The following KCTD16 variants were observed in gnomAD, a reference collection of about 807,000 sequenced individuals.
The protein encoded by KCTD16 is BTB/POZ domain-containing protein KCTD16.
In KCTD16, 13 loss-of-function variants were observed where a neutral mutation model predicts 33.2. That is an observed-to-expected ratio of 0.39 (90% CI 0.25 to 0.62). KCTD16 has a LOEUF of 0.62. Among genes scored for constraint, KCTD16 ranks in the 20% least tolerant of loss-of-function variants. The pLI is 0.50. For missense variants in KCTD16, 441 were observed against 525.1 expected, an observed-to-expected ratio of 0.84 and a Z score of 1.57; for synonymous variants, 197 against 195.3, an observed-to-expected ratio of 1.01 and a Z score of -0.07.
intron 3 of KCTD16, among the ~76,000 whole-genome samples, chr5:144,328,054 A>G (rs1752256821): frequency 6.6e-6 from 1 of 152,162 alleles, no homozygotes; most frequent in Non-Finnish European, 1.5e-5. Context: ...CTATGTATAA[A>G]AATTGGTTTA....
At chr5:144,345,375 A>C (rs1423379379) in intron 3 of KCTD16, among the ~76,000 whole-genome samples, 1 of 152,184 alleles carries the variant, frequency 6.6e-6, no homozygotes, top group East Asian at 1.9e-4. Flanking sequence ...ATAAAAGTTT[A>C]GTTAGCAGAA....
At chr5:144,463,260 T>G (rs1467037709) in intron 3 of KCTD16, among the ~76,000 whole-genome samples, 1 of 152,178 alleles carries the variant, frequency 6.6e-6, no homozygotes, top group Non-Finnish European at 1.5e-5. Context: ...GGGTTCTGAG[T>G]AGACTGCCTA....
At chr5:144,236,102 C>G (rs1004799006) in intron 3 of KCTD16, among the ~76,000 whole-genome samples, 3 of 152,072 alleles carry the variant, frequency 2.0e-5, no homozygotes, top group African/African-American at 7.2e-5. Context: ...ATGCTAGGAA[C>G]TGTTAGATGC....
intron 3 of KCTD16, among the ~76,000 whole-genome samples, chr5:144,445,194 C>T (rs1476041364): frequency 6.6e-6 from 1 of 151,818 alleles, no homozygotes; most frequent in Non-Finnish European, 1.5e-5. Flanking sequence ...AAGACATTCT[C>T]TTTTGTGTTT....
At chr5:144,415,651 A>T (rs1410688835) in intron 3 of KCTD16, among the ~76,000 whole-genome samples, 1 of 152,230 alleles carries the variant, frequency 6.6e-6, no homozygotes, top group Non-Finnish European at 1.5e-5. Context: ...TTTGATTTTG[A>T]GCAAATTTCT....
intron 3 of KCTD16, among the ~76,000 whole-genome samples, chr5:144,300,077 G>A (rs1751389067): frequency 6.6e-6 from 1 of 151,980 alleles, no homozygotes; most frequent in African/African-American, 2.4e-5. Flanking sequence ...TAGTAGCTGT[G>A]GTTGACTCTA....
rs559081537 is a variant in KCTD16 at position 144,381,647 on chromosome 5, C to T, written c.833-92013C>T. ...TTTGAACCACCAGATCTCGTGTGAA[C>T]TCAGAGCAGGAGCTCACTTATCACC... On this transcript the variant is annotated intron_variant, in intron 3 of 3. Coordinates refer to ENST00000512467, the MANE Select transcript of KCTD16 (RefSeq NM_020768.4). Among the ~76,000 whole-genome samples the T allele has an allele frequency of 4.6e-5, 7 of 152,190 alleles. No individual in the cohort carries two copies. In the East Asian group the frequency reaches 9.7e-4, roughly 21 times the overall value.
At chr5:144,294,561 T>G (rs891949921) in intron 3 of KCTD16, among the ~76,000 whole-genome samples, 15 of 152,190 alleles carry the variant, frequency 9.9e-5, no homozygotes, top group African/African-American at 3.4e-4. Flanking sequence ...ACTCATAGTT[T>G]GTGTATCCAT....
intron 3 of KCTD16, among the ~76,000 whole-genome samples, chr5:144,332,945 A>C (rs1373110604): frequency 2.0e-5 from 3 of 152,192 alleles, no homozygotes; most frequent in Non-Finnish European, 2.9e-5. Context: ...ATATGTGTGC[A>C]GGGGAACCAT....
chr5:144,449,210 A>C (rs887753249), intron 3 of KCTD16, among the ~76,000 whole-genome samples: 1 of 152,014 alleles, frequency 6.6e-6, no homozygotes, highest in Non-Finnish European at 1.5e-5. Context: ...AAGAAGTGAA[A>C]GATTTGTACA....
intron 3 of KCTD16, among the ~76,000 whole-genome samples, chr5:144,210,743 C>A (rs1224559334): frequency 6.6e-6 from 1 of 152,078 alleles, no homozygotes; most frequent in Non-Finnish European, 1.5e-5. Flanking sequence ...ATTTCCAGAG[C>A]CATCTTCTGA....
Position 144,364,918 on chromosome 5 carries a change from T to C in KCTD16, c.833-108742T>C, listed in dbSNP as rs557658852. ...TTAAGCAATCTGGGTAGTAGGTTGA[T>C]TTCATAGAACCTAAATGAATCCTAC... is the stretch of plus-strand genomic sequence containing the variant. On this transcript the variant is annotated intron_variant, in intron 3 of 3. Coordinates refer to ENST00000512467, the MANE Select transcript of KCTD16 (RefSeq NM_020768.4). Among the ~76,000 whole-genome samples, 8 of 152,300 alleles carry C rather than the reference T, an allele frequency of 5.3e-5. No homozygotes were observed. The South Asian group carries it at 1.7e-3, about 32-fold the overall frequency.
intron 3 of KCTD16, among the ~76,000 whole-genome samples, chr5:144,299,132 A>G (rs1424948597): frequency 3.5e-5 from 1 of 28,680 alleles, no homozygotes; most frequent in Non-Finnish European, 5.3e-5. Context: ...ATATATATAT[A>G]TATATATATA....
At chr5:144,208,757 A>G (rs1050362554) in intron 3 of KCTD16, among the ~76,000 whole-genome samples, 1 of 152,252 alleles carries the variant, frequency 6.6e-6, no homozygotes, top group Non-Finnish European at 1.5e-5. Context: ...CTACTAAGCT[A>G]TCACACATTT....
chr5:144,279,064 T>C (rs1755530145), intron 3 of KCTD16, among the ~76,000 whole-genome samples: 1 of 152,190 alleles, frequency 6.6e-6, no homozygotes, highest in African/African-American at 2.4e-5. Context: ...TTCATTTCTT[T>C]GAGATTTTTA....
Position 144,290,351 on chromosome 5 carries a change from T to C in KCTD16, c.832+82805T>C, listed in dbSNP as rs73312760. Among the ~76,000 whole-genome samples, 444 of 152,224 alleles carry C rather than the reference T, an allele frequency of 2.9e-3. 1 individual carries two copies. Among genetic ancestry groups the C allele is most frequent in the African/African-American group, 0.01 (428 of 41,552 alleles). On this transcript the variant is annotated intron_variant, in intron 3 of 3. Transcript: ENST00000512467. ...AAACAGTCAATAAAAAACTCTATCGTATTTCTTTGGGGAAAATTCTCCGAA... is the reference window on the plus strand; with the variant it reads ...AAACAGTCAATAAAAAACTCTATCGCATTTCTTTGGGGAAAATTCTCCGAA...
At chr5:144,342,202 C>T (rs532722157) in intron 3 of KCTD16, among the ~76,000 whole-genome samples, 32 of 152,234 alleles carry the variant, frequency 2.1e-4, no homozygotes, top group Non-Finnish European at 3.4e-4. Context: ...TCTTCCTACC[C>T]ATGAGCATGG....
chr5:144,406,105 AGCCCCTGC>A (rs1235598132), intron 3 of KCTD16, among the ~76,000 whole-genome samples: 2 of 152,186 alleles, frequency 1.3e-5, no homozygotes, highest in Admixed American at 6.5e-5. Context: ...TGACTATCCT[AGCCCCTGC>A]GCCTGACTAC....
intron 3 of KCTD16, among the ~76,000 whole-genome samples, chr5:144,228,589 A>G (rs1264458152): frequency 6.6e-6 from 1 of 152,246 alleles, no homozygotes; most frequent in Non-Finnish European, 1.5e-5. Flanking sequence ...TAGAACAGAA[A>G]GTGAGAGAAA....
Sources: allele counts gnomAD v4.1 joint callset (sites outside exome capture counted in the v4.1 genomes callset), GRCh38; gene constraint gnomAD v4.1.1; transcripts MANE v1.5; gene names NCBI Gene and HGNC (gene_info 2026-07-23, HGNC 2026-07-21).